The following SNAP47 variants were observed in gnomAD, a reference collection of about 807,000 sequenced individuals.
The protein encoded by SNAP47 is synaptosomal-associated protein 47.
SNAP47 carries 20 observed loss-of-function variants against 31.4 expected under a neutral mutation model. That is an observed-to-expected ratio of 0.64 (90% CI 0.45 to 0.93). The LOEUF (loss-of-function observed/expected upper bound fraction) is 0.93. SNAP47 is among the 40% of genes least tolerant of loss of function. The pLI is 0.00. For missense variants in SNAP47, 492 were observed against 528.5 expected, an observed-to-expected ratio of 0.93 and a Z score of 0.68; for synonymous variants, 194 against 213.4, an observed-to-expected ratio of 0.91 and a Z score of 0.79.
chr1:227,738,937 C>G (rs1661411563), intron 1 of SNAP47, among the ~76,000 whole-genome samples: 1 of 152,176 alleles, frequency 6.6e-6, no homozygotes, highest in South Asian at 2.1e-4. Context: ...AGATGGAGCT[C>G]TCGTTCTTGA....
chr1:227,751,079 A>G (rs375744024), intron 2 of SNAP47, among the ~76,000 whole-genome samples: 156 of 152,292 alleles, frequency 1.0e-3, no homozygotes, highest in African/African-American at 3.6e-3. Flanking sequence ...GAGCCAGAGA[A>G]ACAAGAGTTC....
At chr1:227,772,346 C>T (rs1432281989) in intron 4 of SNAP47, among the ~76,000 whole-genome samples, 1 of 151,962 alleles carries the variant, frequency 6.6e-6, no homozygotes, top group Non-Finnish European at 1.5e-5. Flanking sequence ...GCCCCAGCCC[C>T]CCGCCCACCA....
intron 4 of SNAP47, among the ~76,000 whole-genome samples, chr1:227,779,534 C>G (rs1400000801): frequency 6.6e-6 from 1 of 152,218 alleles, no homozygotes; most frequent in African/African-American, 2.4e-5. Flanking sequence ...GTACACAGCA[C>G]TGAGGGTTCC....
chr1:227,734,067 C>T, upstream of SNAP47: 1 of 1,602,078 alleles, frequency 6.2e-7, no homozygotes, highest in Non-Finnish European at 8.5e-7. Context: ...ACCGACAGCA[C>T]GTGAGGCACG....
rs149727487 is a variant in SNAP47, at chr1:227,748,134, T to A, written c.398T>A (p.Leu133Gln). Residue 133 changes from leucine to glutamine, a missense_variant, in exon 2 of 5, where the codon CTG (leucine) becomes CAG (glutamine). By Grantham distance (113) the Leu-to-Gln change is moderately radical. Transcript: ENST00000617596. ...CTCATGGCTGGATCCCAGAAACGCC[T>A]GGAGGACACGGCGAGGGTCCTGCAC... is the stretch of plus-strand genomic sequence containing the variant. ...TGLMAGSQKR[L>Q]EDTARVLHHQ... is the part of the protein sequence containing the mutation. 2,042 of 1,613,934 alleles carry A rather than the reference T, an allele frequency of 1.3e-3. 10 individuals are homozygous for A. In the Middle Eastern group the frequency reaches 0.02, roughly 16 times the overall value.
intron 2 of SNAP47, among the ~76,000 whole-genome samples, chr1:227,753,908 G>T (rs975623982): frequency 6.6e-6 from 1 of 152,070 alleles, no homozygotes; most frequent in Non-Finnish European, 1.5e-5. Flanking sequence ...AGCCCCAGTG[G>T]GTGTGTGCTA....
chr1:227,751,229 G>A (rs570389887), intron 2 of SNAP47, among the ~76,000 whole-genome samples: 4 of 152,264 alleles, frequency 2.6e-5, no homozygotes, highest in South Asian at 2.1e-4. Context: ...GTTCACCTGC[G>A]TCGGCCTGCA....
At chr1:227,732,487 C>T (rs774764631), upstream of SNAP47, 20 of 1,613,236 alleles carry the variant, frequency 1.2e-5, no homozygotes, top group Admixed American at 2.5e-4. Flanking sequence ...CTCTGGAAGT[C>T]GGGGTGCGCA....
chr1:227,758,941 T>C, intron 2 of SNAP47, 54 bp from the exon 3 acceptor site: 1 of 1,529,670 alleles, frequency 6.5e-7, no homozygotes, highest in Admixed American at 2.2e-5. Flanking sequence ...AAAAAAGGTA[T>C]TACTCCTTAA....
chr1:227,769,363 G>C (rs952933643), intron 4 of SNAP47, among the ~76,000 whole-genome samples: 8 of 152,080 alleles, frequency 5.3e-5, no homozygotes, highest in Non-Finnish European at 1.0e-4. Flanking sequence ...TCAGATGCGG[G>C]CCCCCTTCCT....
rs201794905 is a variant in SNAP47 at position 227,747,991 on chromosome 1, A to T, written c.255A>T (p.Pro85=). 119 of 1,614,088 alleles carry T rather than the reference A, an allele frequency of 7.4e-5. No homozygotes were observed. The Middle Eastern group carries it at 8.2e-4, about 11-fold the overall frequency. Residue 85 remains proline, a synonymous_variant, in exon 2 of 5, where the codon CCA becomes CCT. Coordinates refer to ENST00000617596, the MANE Select transcript of SNAP47 (RefSeq NM_053052.4). ...HAKHWFSSLR[P]SRNVVFSIIE... ...AGCACTGGTTCAGCTCCCTGCGGCC[A>T]AGTCGAAATGTGGTCTTCAGCATCA...
chr1:227,735,467 G>C lies in SNAP47; in HGVS notation c.-78G>C, dbSNP rs1296203233. The stretch of plus-strand genomic sequence containing the variant: ...AGGCGCCGAGCGGCCGAGGCGCCGC[G>C]GTCGGCTCTGGGACTCGTCTGGCGT... On this transcript the variant is annotated 5_prime_UTR_variant, in exon 1 of 5. Transcript: ENST00000617596. 2.1e-6 allele frequency: 3 copies of C among 1,436,196 alleles called. No individual in the cohort carries two copies. The highest frequency in any genetic ancestry group is 2.7e-6 in the Non-Finnish European group (3 of 1,105,922). The allele number at this position is 1,436,196 out of a possible 1,614,324, so 89.0% of individuals were successfully genotyped here. A position where few individuals can be genotyped will look rare whatever the true frequency, so the allele number is the denominator to read the frequency against.
upstream of SNAP47, chr1:227,735,271 C>T (rs1347727048): frequency 1.2e-6 from 2 of 1,606,124 alleles, no homozygotes; most frequent in Non-Finnish European, 1.7e-6. Context: ...TCTCGCGGTC[C>T]ATCCAGCTCA....
At chr1:227,757,345 A>G (rs2102947300) in intron 2 of SNAP47, among the ~76,000 whole-genome samples, 1 of 152,340 alleles carries the variant, frequency 6.6e-6, no homozygotes, top group African/African-American at 2.4e-5. Flanking sequence ...GGGTGCAGCC[A>G]GCACAGGGCA....
intron 1 of SNAP47, among the ~76,000 whole-genome samples, chr1:227,744,815 C>T (rs536708477): frequency 3.3e-5 from 5 of 152,306 alleles, no homozygotes; most frequent in African/African-American, 1.2e-4. Flanking sequence ...ATAGTCCTGC[C>T]TCGGGGAGTG....
intron 2 of SNAP47, among the ~76,000 whole-genome samples, chr1:227,755,928 C>G (rs1204392482): frequency 6.6e-6 from 1 of 152,228 alleles, no homozygotes; most frequent in African/African-American, 2.4e-5. Context: ...TTTAACCAAT[C>G]TTTTAACCAA....
At chr1:227,780,405 C>G in intron 4 of SNAP47, 122 bp from the exon 5 acceptor site, 2 of 1,405,266 alleles carry the variant, frequency 1.4e-6, no homozygotes, top group Non-Finnish European at 1.9e-6. Context: ...CCTGCTGGCT[C>G]GCAGATGGCA....
chr1:227,748,829 C>T (rs1662155327), intron 2 of SNAP47, among the ~76,000 whole-genome samples: 1 of 152,208 alleles, frequency 6.6e-6, no homozygotes. Flanking sequence ...GAGCTATGTT[C>T]TTCTGTTATG....
At chr1:227,765,447 C>T (rs890181936) in intron 3 of SNAP47, among the ~76,000 whole-genome samples, 3 of 152,128 alleles carry the variant, frequency 2.0e-5, no homozygotes, top group African/African-American at 7.2e-5. Context: ...CACTGTGGCT[C>T]AGTGTTTCAG....
Sources: allele counts gnomAD v4.1 joint callset (sites outside exome capture counted in the v4.1 genomes callset), GRCh38; gene constraint gnomAD v4.1.1; transcripts MANE v1.5; gene names NCBI Gene and HGNC (gene_info 2026-07-23, HGNC 2026-07-21).